ITCH: variants seen among roughly 807,000 people sequenced by gnomAD.
ITCH encodes itchy E3 ubiquitin protein ligase.
Under a neutral mutation model 126.8 loss-of-function variants are expected in ITCH, and 28 were observed. The ratio of observed to expected loss-of-function variants is 0.22; its 90% CI spans 0.16 to 0.30. The LOEUF (loss-of-function observed/expected upper bound fraction) is 0.30. ITCH is among the 10% of genes least tolerant of loss of function. The pLI, the probability that ITCH is intolerant of heterozygous loss-of-function variation, is 1.00. For synonymous variants in ITCH, 342 were observed against 340.0 expected, an observed-to-expected ratio of 1.01 and a Z score of -0.06; for missense variants, 631 against 1,032.4, an observed-to-expected ratio of 0.61 and a Z score of 5.33.
At chr20:34,378,701 G>A (rs533011007) in intron 2 of ITCH, among the ~76,000 whole-genome samples, 1 of 151,958 alleles carries the variant, frequency 6.6e-6, no homozygotes, top group South Asian at 2.1e-4. Flanking sequence ...CCTAGTTTTT[G>A]GAATTCATTT....
intron 7 of ITCH, among the ~76,000 whole-genome samples, chr20:34,432,706 G>A (rs905887236): frequency 6.6e-6 from 1 of 152,102 alleles, no homozygotes; most frequent in Non-Finnish European, 1.5e-5. Context: ...TGTAATCCCA[G>A]TACCTTTGGG....
intron 11 of ITCH, among the ~76,000 whole-genome samples, chr20:34,447,598 C>T (rs532490847): frequency 3.3e-5 from 5 of 152,094 alleles, no homozygotes; most frequent in African/African-American, 7.2e-5. Context: ...CTAGTTTATC[C>T]GTCCAGGGAG....
At chr20:34,464,619 G>T (rs192614073) in intron 14 of ITCH, among the ~76,000 whole-genome samples, 41 of 152,130 alleles carry the variant, frequency 2.7e-4, no homozygotes, top group African/African-American at 7.7e-4. Flanking sequence ...GAAGCTCCGC[G>T]CCCAGCCTGT....
chr20:34,406,551 T>C (rs1405699698), intron 3 of ITCH, among the ~76,000 whole-genome samples: 31 of 151,682 alleles, frequency 2.0e-4, no homozygotes, highest in African/African-American at 4.6e-4. Context: ...TTTTTTTTTT[T>C]CGAGATGGAG....
chr20:34,404,825 T>C (rs6088488), intron 3 of ITCH, among the ~76,000 whole-genome samples: 84,617 of 151,822 alleles, frequency 0.56, 24,213 homozygotes, highest in African/African-American at 0.66. Flanking sequence ...AAATTGGTGC[T>C]CCTCCACCCC....
chr20:34,435,309 T>C (rs1194211069), intron 7 of ITCH, among the ~76,000 whole-genome samples: 4 of 151,930 alleles, frequency 2.6e-5, no homozygotes, highest in Non-Finnish European at 5.9e-5. Context: ...GCTGGGACTA[T>C]AGGCGCATGC....
At chr20:34,402,523 T>C (rs771057258) in intron 3 of ITCH, 7 of 749,898 alleles carry the variant, frequency 9.3e-6, no homozygotes, top group Non-Finnish European at 1.8e-5. Flanking sequence ...TCATAATCCC[T>C]CATAATCCTC....
chr20:34,383,769 T>G (rs2146031923), intron 2 of ITCH, among the ~76,000 whole-genome samples: 1 of 151,554 alleles, frequency 6.6e-6, no homozygotes, highest in East Asian at 1.9e-4. Context: ...GCTCAAGAGA[T>G]CCTCTCACCT....
intron 15 of ITCH, 38 bp from the exon 16 acceptor site, chr20:34,471,406 A>T: frequency 1.6e-6 from 2 of 1,233,696 alleles, no homozygotes; most frequent in African/African-American, 1.5e-5. Flanking sequence ...AGGCTATTTT[A>T]ATGATGAGAG....
At chr20:34,385,710 G>A (rs2038257759) in intron 2 of ITCH, among the ~76,000 whole-genome samples, 3 of 152,106 alleles carry the variant, frequency 2.0e-5, no homozygotes, top group Admixed American at 2.0e-4. Context: ...GAAAGTTGTA[G>A]CTTCCTCTTT....
chr20:34,425,647 G>A (rs942134761), intron 7 of ITCH, among the ~76,000 whole-genome samples: 12 of 152,226 alleles, frequency 7.9e-5, no homozygotes, highest in Admixed American at 7.2e-4. Flanking sequence ...TTTGTGTAAA[G>A]TGAAACATAA....
chr20:34,382,759 T>TATTA (rs1377141458), intron 2 of ITCH, among the ~76,000 whole-genome samples: 2 of 142,136 alleles, frequency 1.4e-5, no homozygotes, highest in African/African-American at 2.7e-5. Flanking sequence ...TTATTATTAT[T>TATTA]TTGAGACAGA....
chr20:34,388,553 T>G (rs1163218457), intron 2 of ITCH, among the ~76,000 whole-genome samples: 3 of 152,140 alleles, frequency 2.0e-5, no homozygotes, highest in African/African-American at 7.2e-5. Context: ...TCCAGCTAAT[T>G]TATTTTTATT....
chr20:34,438,650 A>G lies in ITCH; in HGVS notation c.679+19A>G. The G allele has an allele frequency of 1.9e-6, 3 of 1,613,128 alleles. No individual in the cohort carries two copies. Among genetic ancestry groups the G allele is most frequent in the Non-Finnish European group, 2.5e-6 (3 of 1,179,532 alleles). Reference sequence around the variant, plus strand: ...AGACCAGGTTTGTATTCCAGCTCTCAATACTCTTGGAAATAATGTCCTGGT... The same window carrying G: ...AGACCAGGTTTGTATTCCAGCTCTCGATACTCTTGGAAATAATGTCCTGGT... On this transcript the variant is annotated intron_variant, in intron 8 of 24. Transcript: ENST00000374864.
intron 18 of ITCH, among the ~76,000 whole-genome samples, chr20:34,480,322 C>T (rs1225540406): frequency 7.2e-5 from 11 of 152,018 alleles, no homozygotes; most frequent in African/African-American, 1.7e-4. Context: ...CTCAGCCTCC[C>T]GAGTAGCTGG....
At chr20:34,402,477 G>T in intron 3 of ITCH, 1 of 765,516 alleles carries the variant, frequency 1.3e-6, no homozygotes, top group South Asian at 1.3e-5. Flanking sequence ...CTGAAAAATA[G>T]ACTAGAAATA....
chr20:34,454,771 G>A (rs1985698402), intron 12 of ITCH, among the ~76,000 whole-genome samples: 1 of 146,536 alleles, frequency 6.8e-6, no homozygotes, highest in Admixed American at 6.9e-5. Context: ...ATGATCTCAA[G>A]TGTTAATTTG....
At chr20:34,374,550 G>C (rs1425371520) in intron 2 of ITCH, among the ~76,000 whole-genome samples, 1 of 152,078 alleles carries the variant, frequency 6.6e-6, no homozygotes, top group Non-Finnish European at 1.5e-5. Flanking sequence ...CTTTCTTAAA[G>C]TTATGATCTG....
intron 16 of ITCH, chr20:34,476,359 C>T: frequency 2.2e-6 from 3 of 1,339,068 alleles, no homozygotes; most frequent in Non-Finnish European, 3.0e-6. Context: ...TCCCCGGCTC[C>T]TCAGCAGGCC....
Sources: gnomAD v4.1 joint callset for allele counts (sites outside exome capture counted in the v4.1 genomes callset) on GRCh38, gnomAD v4.1.1 for gene constraint, MANE v1.5 for transcripts, NCBI Gene and HGNC (gene_info 2026-07-23, HGNC 2026-07-21) for gene names.